Variants in COL5A2 observed in about 807,000 individuals in gnomAD.
The protein encoded by COL5A2 is collagen type V alpha 2 chain.
COL5A2 carries 23 observed loss-of-function variants against 208.2 expected under a neutral mutation model. The observed-to-expected ratio is 0.11, with a 90% confidence interval of 0.08 to 0.16. The LOEUF is 0.16. Ranked by LOEUF, COL5A2 falls within the 10% of genes least tolerant of loss-of-function variation. The pLI, the probability that COL5A2 is intolerant of heterozygous loss-of-function variation, is 1.00. For missense variants in COL5A2, 1,590 were observed against 1,956.4 expected (o/e 0.81, Z 3.53); for synonymous variants, 625 against 628.5 (o/e 0.99, Z 0.08).
intron 16 of COL5A2, among the ~76,000 whole-genome samples, chr2:189,075,931 A>G (rs528752415): frequency 6.6e-6 from 1 of 152,266 alleles, no homozygotes; most frequent in South Asian, 2.1e-4. Context: ...CTATTGATAC[A>G]TTCCCTAGGA....
intron 23 of COL5A2, among the ~76,000 whole-genome samples, chr2:189,065,567 A>G (rs1341308889): frequency 6.6e-6 from 1 of 152,186 alleles, no homozygotes; most frequent in Non-Finnish European, 1.5e-5. Flanking sequence ...AAGCAAGGAA[A>G]TATTCTAACG....
At chr2:189,405,306 A>G in the COL5A2 span, among the ~76,000 whole-genome samples, 1 of 151,828 alleles carries the variant, frequency 6.6e-6, no homozygotes, top group Non-Finnish European at 1.5e-5. Flanking sequence ...ATCTTGGCTC[A>G]CTGCAACCTC....
chr2:189,069,845 A>C (rs577957074), intron 18 of COL5A2, among the ~76,000 whole-genome samples: 1 of 152,358 alleles, frequency 6.6e-6, no homozygotes, highest in South Asian at 2.1e-4. Flanking sequence ...AGCATTTATC[A>C]GTAAAGTGAA....
Position 189,052,075 on chromosome 2 carries a change from A to C in COL5A2, c.2769+97T>G, listed in dbSNP as rs868366197. 7.9e-5 allele frequency: 79 copies of C among 996,032 alleles called. No individual in the cohort carries two copies. In the Middle Eastern group the frequency reaches 1.1e-3, roughly 14 times the overall value. 61.7% of individuals were successfully genotyped at this position (996,032 alleles called of 1,614,324 possible). A position where few individuals can be genotyped will look rare whatever the true frequency, so the allele number is the denominator to read the frequency against. ...GAGTTGTTAAATAAGAAAACATACC[A>C]TTAAGAAATTAAATAAAATAATAAA... is the stretch of plus-strand genomic sequence containing the variant. On this transcript the variant is annotated intron_variant, in intron 41 of 53. Transcript: ENST00000374866.
In COL5A2 at chr2:189,193,766, G is replaced by A. The variant is rs185279006; in HGVS notation, c.-42+31382C>T. ...ATGCTCCCAAGACATTATTTTCTGG[G>A]GGAGAGAGGATGAGTTTATGAGATT... On this transcript the variant is annotated intron_variant, in intron 1 of 10. Transcript: ENST00000649966. Among the ~76,000 whole-genome samples, 40 of 152,266 alleles carry A rather than the reference G, an allele frequency of 2.6e-4. 1 individual carries two copies. Among genetic ancestry groups the A allele is most frequent in the African/African-American group, 7.5e-4 (31 of 41,546 alleles).
the COL5A2 span, among the ~76,000 whole-genome samples, chr2:189,315,120 C>T: frequency 2.0e-5 from 3 of 151,998 alleles, no homozygotes; most frequent in Non-Finnish European, 4.4e-5. Context: ...GGGAGAGATA[C>T]AACAAAAAAA....
the COL5A2 span, among the ~76,000 whole-genome samples, chr2:189,303,510 A>G: frequency 6.6e-6 from 1 of 152,304 alleles, no homozygotes; most frequent in East Asian, 1.9e-4. Context: ...AATATTCCAT[A>G]CTAAATCCTC....
upstream of COL5A2, chr2:189,179,779 G>A: frequency 2.0e-6 from 2 of 1,020,428 alleles, no homozygotes; most frequent in South Asian, 3.0e-5. Flanking sequence ...TTTTTCAAGC[G>A]ATGCAGCTTT....
chr2:189,308,664 C>G, the COL5A2 span, among the ~76,000 whole-genome samples: 1 of 152,128 alleles, frequency 6.6e-6, no homozygotes, highest in African/African-American at 2.4e-5. Context: ...TTATCTTAAC[C>G]TAGACATTTC....
the COL5A2 span, among the ~76,000 whole-genome samples, chr2:189,243,628 T>C: frequency 6.6e-6 from 1 of 152,082 alleles, no homozygotes; most frequent in African/African-American, 2.4e-5. Flanking sequence ...AGCCAAACCA[T>C]ATCATTCAGC....
intron 1 of COL5A2, among the ~76,000 whole-genome samples, chr2:189,134,250 A>G (rs1184096451): frequency 6.6e-6 from 1 of 152,172 alleles, no homozygotes; most frequent in African/African-American, 2.4e-5. Context: ...GTAGTTGGCA[A>G]TATAAATATA....
chr2:189,092,477 A>C, intron 6 of COL5A2, 57 bp from the exon 7 acceptor site: 2 of 1,049,716 alleles, frequency 1.9e-6, no homozygotes. Flanking sequence ...CTTAGTAGAA[A>C]GCTAAAGGCA....
At chr2:189,166,697 A>C (rs768721470) in intron 1 of COL5A2, among the ~76,000 whole-genome samples, 1 of 152,236 alleles carries the variant, frequency 6.6e-6, no homozygotes, top group East Asian at 1.9e-4. Context: ...AGTGTGAGCC[A>C]CGGAGTCCAT....
intron 7 of COL5A2, among the ~76,000 whole-genome samples, chr2:189,091,494 C>T (rs998327152): frequency 6.6e-6 from 1 of 152,090 alleles, no homozygotes; most frequent in Non-Finnish European, 1.5e-5. Context: ...AGCAAAACAC[C>T]CTATCAGCAA....
chr2:189,400,573 G>T, the COL5A2 span, among the ~76,000 whole-genome samples: 1 of 152,080 alleles, frequency 6.6e-6, no homozygotes, highest in Non-Finnish European at 1.5e-5. Context: ...AGAAGTATCT[G>T]GATCTCTTGA....
intron 2 of COL5A2, among the ~76,000 whole-genome samples, chr2:189,105,119 G>A (rs529388045): frequency 7.2e-5 from 11 of 151,734 alleles, no homozygotes; most frequent in African/African-American, 2.6e-4. Context: ...GTAATTTGGG[G>A]TTTTCCTAGG....
the COL5A2 span, among the ~76,000 whole-genome samples, chr2:189,354,329 T>C: frequency 6.6e-6 from 1 of 152,194 alleles, no homozygotes; most frequent in Non-Finnish European, 1.5e-5. Context: ...CTTTTTCTAT[T>C]GTTTGGAATA....
intron 1 of COL5A2, among the ~76,000 whole-genome samples, chr2:189,147,786 C>T (rs976994407): frequency 2.6e-5 from 4 of 152,096 alleles, no homozygotes; most frequent in African/African-American, 4.8e-5. Flanking sequence ...CTTTACCTTG[C>T]AGGCCATCTA....
At position 189,054,690 on chromosome 2, in the gene COL5A2, C is replaced by CTTTT. The variant is rs58380313; in HGVS notation, c.2392-482_2392-479dup. 6.2e-5 allele frequency among the ~76,000 whole-genome samples: 7 copies of CTTTT among 113,574 alleles called. 1 individual carries two copies. The highest frequency in any genetic ancestry group is 1.1e-4 in the Non-Finnish European group (6 of 55,280). The allele number at this position is 113,574 out of a possible 152,430, so 74.5% of individuals were successfully genotyped here. A position where few individuals can be genotyped will look rare whatever the true frequency, so the allele number is the denominator to read the frequency against. On this transcript the variant is annotated intron_variant, in intron 35 of 53. Coordinates refer to ENST00000374866, the MANE Select transcript of COL5A2 (RefSeq NM_000393.5). ...GTTAAGGCATTTTAGGTGTTTTTTC[C>CTTTT]TTTTTTTTTTTTTTTTTTTTTGGCA...
Sources: gnomAD v4.1 joint callset for allele counts (sites outside exome capture counted in the v4.1 genomes callset) on GRCh38, gnomAD v4.1.1 for gene constraint, MANE v1.5 for transcripts, NCBI Gene and HGNC (gene_info 2026-07-23, HGNC 2026-07-21) for gene names.